KIR2DL4: variants seen among roughly 807,000 people sequenced by gnomAD.
KIR2DL4 encodes the protein killer cell immunoglobulin like receptor, two Ig domains and long cytoplasmic tail 4.
A neutral mutation model predicts 31.0 loss-of-function variants in KIR2DL4; 41 were observed. The observed-to-expected ratio is 1.32, with a 90% CI of 1.03 to 1.72. The LOEUF (loss-of-function observed/expected upper bound fraction) is 1.72, where lower values mean the gene tolerates loss of function less well. KIR2DL4 is among the 40% of genes most tolerant of loss of function. KIR2DL4 has a pLI of 0.00. For missense variants in KIR2DL4, 438 were observed against 353.7 expected (o/e 1.24, Z -1.91); for synonymous variants, 164 against 133.6 (o/e 1.23, Z -1.57).
At chr19:54,809,621 C>T (rs1368153816) in intron 5 of KIR2DL4, among the ~76,000 whole-genome samples, 1 of 151,378 alleles carries the variant, frequency 6.6e-6, no homozygotes, top group Non-Finnish European at 1.5e-5. Flanking sequence ...GAGGCTCCCA[C>T]ATTCCTTGGC....
intron 5 of KIR2DL4, among the ~76,000 whole-genome samples, chr19:54,809,108 G>C (rs1288172117): frequency 6.6e-6 from 1 of 151,308 alleles, no homozygotes; most frequent in Non-Finnish European, 1.5e-5. Context: ...AGGGTAGAAG[G>C]ATGAGTGCAA....
intron 4 of KIR2DL4, 136 bp downstream of exon 4, chr19:54,806,380 C>T (rs1487419768): frequency 3.9e-6 from 4 of 1,015,274 alleles, no homozygotes; most frequent in Non-Finnish European, 5.8e-6. Flanking sequence ...GATCAGGGCA[C>T]AGGATGGCAG....
At chr19:54,813,461 A>G (rs2147985780) in intron 6 of KIR2DL4, among the ~76,000 whole-genome samples, 1 of 150,262 alleles carries the variant, frequency 6.7e-6, no homozygotes, top group East Asian at 2.0e-4. Flanking sequence ...CATCCAGGAG[A>G]AGATTCCATG....
In KIR2DL4 at chr19:54,808,792, G is replaced by T. The variant is rs1324751411; in HGVS notation, c.656-41G>T. Reference sequence around the variant, plus strand: ...AAGATTTCCATTGAGTAGAAGACAGGCATCCTCATTGCCACACCTCTCTCC... The same window carrying T: ...AAGATTTCCATTGAGTAGAAGACAGTCATCCTCATTGCCACACCTCTCTCC... On this transcript the variant is annotated intron_variant, in intron 4 of 7. Transcript: ENST00000359085. 8.7e-6 allele frequency: 12 copies of T among 1,373,400 alleles called. 1 individual carries two copies. Among genetic ancestry groups the T allele is most frequent in the Non-Finnish European group, 1.2e-5 (12 of 972,098 alleles). 85.1% of individuals were successfully genotyped at this position (1,373,400 alleles called of 1,614,324 possible).
At chr19:54,806,001 G>A (rs1051454) in exon 4 of KIR2DL4, 449,073 of 1,594,270 alleles carry the variant, frequency 0.28, 71,620 homozygotes, top group African/African-American at 0.52. Flanking sequence ...CACGGTTCGC[G>A]CAGGAGAGAA....
At chr19:54,814,005 C>T in exon 8 of KIR2DL4, 2 of 1,612,414 alleles carry the variant, frequency 1.2e-6, no homozygotes, top group African/African-American at 1.3e-5. Flanking sequence ...GCGTTGTCTC[C>T]TGCCCATGAG....
At position 54,806,068 on chromosome 19, in the gene KIR2DL4, AG is replaced by A. The variant is rs1264603142; in HGVS notation, c.484del (p.Glu162LysfsTer83). On this transcript the variant is annotated frameshift_variant, in exon 4 of 8. Transcript: ENST00000359085. LOFTEE classifies it high-confidence loss of function. ...TTTGACATCTACCATCTATCCAGGGAGGGGGAAGCCCATGAACTTAGGCTCC... is the reference window on the plus strand; with the variant it reads ...TTTGACATCTACCATCTATCCAGGGAGGGGAAGCCCATGAACTTAGGCTCC... The A allele has an allele frequency of 3.7e-6, 6 of 1,611,830 alleles. No homozygotes were observed. The East Asian group carries it at 1.1e-4, about 30-fold the overall frequency.
chr19:54,804,813 T>C (rs2060400013), exon 3 of KIR2DL4: 1 of 1,612,114 alleles, frequency 6.2e-7, no homozygotes, highest in East Asian at 2.2e-5. Context: ...CAAGCCCTTC[T>C]GCTCTGCCTG....
chr19:54,806,211 G>C, exon 4 of KIR2DL4: 1 of 1,610,708 alleles, frequency 6.2e-7, no homozygotes, highest in Non-Finnish European at 8.5e-7. Flanking sequence ...CGAGTGGTCA[G>C]ACCCGAGTGA....
chr19:54,811,623 G>A (rs954092073), intron 5 of KIR2DL4, among the ~76,000 whole-genome samples: 1 of 151,276 alleles, frequency 6.6e-6, no homozygotes, highest in African/African-American at 2.4e-5. Context: ...AATAGAGAAC[G>A]TGATCTGTTC....
rs2060683317 is a variant in KIR2DL4, at chr19:54,808,829, C to T, written c.656-4C>T. 3 of 1,576,934 alleles carry T rather than the reference C, an allele frequency of 1.9e-6. No individual in the cohort carries two copies. The highest frequency in any genetic ancestry group is 2.6e-6 in the Non-Finnish European group (3 of 1,150,696). ...CCACACCTCTCTCCTGTCCCGTGTT[C>T]TAGGAAACCCTTCTAGTAGTTGGCC... is the stretch of plus-strand genomic sequence containing the variant. On this transcript the variant is annotated splice_region_variant and splice_polypyrimidine_tract_variant and intron_variant, in intron 4 of 7. Transcript: ENST00000359085.
exon 8 of KIR2DL4, chr19:54,814,138 C>G: frequency 6.2e-7 from 1 of 1,603,960 alleles, no homozygotes; most frequent in Admixed American, 1.7e-5. Context: ...CTTAGAGCAT[C>G]ACTCTTCCTC....
intron 4 of KIR2DL4, among the ~76,000 whole-genome samples, chr19:54,807,556 G>A (rs1261785034): frequency 6.7e-6 from 1 of 150,204 alleles, no homozygotes; most frequent in Non-Finnish European, 1.5e-5. Flanking sequence ...TCCAGCCTCA[G>A]CCTCCCGAGT....
intron 3 of KIR2DL4, 36 bp downstream of exon 3, chr19:54,805,113 A>G (rs1290455172): frequency 1.3e-6 from 2 of 1,549,092 alleles, no homozygotes; most frequent in Admixed American, 1.8e-5. Flanking sequence ...TCCTTGTCCC[A>G]CCTCCTGAGT....
intron 2 of KIR2DL4, among the ~76,000 whole-genome samples, chr19:54,804,458 G>A (rs1280705994): frequency 6.6e-6 from 1 of 151,200 alleles, no homozygotes; most frequent in Non-Finnish European, 1.5e-5. Flanking sequence ...CTCTGATGGA[G>A]CTCAGTTGTT....
intron 3 of KIR2DL4, 129 bp from the exon 4 acceptor site, chr19:54,805,822 G>A: frequency 2.3e-6 from 2 of 872,890 alleles, no homozygotes; most frequent in Non-Finnish European, 3.5e-6. Context: ...GGAAGAGTTG[G>A]GGGTGGAGGG....
Position 54,805,943 on chromosome 19 carries a change from C to T in KIR2DL4, c.362-8C>T, listed in dbSNP as rs761439772. The T allele has an allele frequency of 1.9e-6, 3 of 1,593,452 alleles. No homozygotes were observed. Among genetic ancestry groups the T allele is most frequent in the East Asian group, 2.2e-5 (1 of 44,630 alleles). On this transcript the variant is annotated splice_region_variant and splice_polypyrimidine_tract_variant and intron_variant, in intron 3 of 7. Coordinates refer to ENST00000359085, the Ensembl canonical transcript of KIR2DL4. The stretch of plus-strand genomic sequence containing the variant: ...CCTCCCTGAGGAAACTGCCTCTTCT[C>T]CTTCCAGGTCTATATGAGAAACCTT...
chr19:54,812,956 T>G (rs2060951215), intron 5 of KIR2DL4, among the ~76,000 whole-genome samples: 1 of 143,184 alleles, frequency 7.0e-6, no homozygotes, highest in African/African-American at 2.8e-5. Flanking sequence ...TCTATTGTTA[T>G]TATGAAAACT....
intron 6 of KIR2DL4, chr19:54,813,342 C>G: frequency 1.3e-6 from 2 of 1,514,736 alleles, no homozygotes; most frequent in South Asian, 1.2e-5. Flanking sequence ...AAGGCAGGAG[C>G]CAGAGGCAGA....
Sources: gnomAD v4.1 joint callset for allele counts (sites outside exome capture counted in the v4.1 genomes callset) on GRCh38, gnomAD v4.1.1 for gene constraint, MANE v1.5 for transcripts, NCBI Gene and HGNC (gene_info 2026-07-23, HGNC 2026-07-21) for gene names.